The following KCNQ1 variants were observed in gnomAD, a reference collection of about 807,000 sequenced individuals.
KCNQ1 encodes potassium voltage-gated channel subfamily KQT member 1.
In KCNQ1, 49 loss-of-function variants were observed where a neutral mutation model predicts 72.4. That is an observed-to-expected ratio of 0.68 (90% CI 0.54 to 0.86). The LOEUF (loss-of-function observed/expected upper bound fraction) is 0.86. Ranked by LOEUF, KCNQ1 falls within the 40% of genes least tolerant of loss-of-function variation. The probability of loss-of-function intolerance (pLI) is 0.00; values close to 1 mark genes in which losing one functional copy is unlikely to be tolerated. For missense variants in KCNQ1, 790 were observed against 945.1 expected (o/e 0.84, Z 2.15); for synonymous variants, 450 against 412.6 (o/e 1.09, Z -1.10).
At chr11:2,580,457 A>G (rs1848482519) in intron 6 of KCNQ1, among the ~76,000 whole-genome samples, 1 of 152,236 alleles carries the variant, frequency 6.6e-6, no homozygotes, top group African/African-American at 2.4e-5. Flanking sequence ...TCCAAAACAA[A>G]TATTATCGAA....
At position 2,481,887 on chromosome 11, in the gene KCNQ1, A is replaced by AAT. The variant is rs563400536; in HGVS notation, c.386+36405_386+36406dup. On this transcript the variant is annotated intron_variant, in intron 1 of 15. Coordinates refer to ENST00000155840, the MANE Select transcript of KCNQ1 (RefSeq NM_000218.3). This position sits in a 1 kb window ranked among gnomAD's most constrained non-coding sequence, Gnocchi z 4.6. ...ATTTAATTCTATATTACAATGTAAT[A>AAT]ATAGTAGAAATAAAGTGCCCAATGC... Among the ~76,000 whole-genome samples, 401 of 152,370 alleles carry AAT rather than the reference A, an allele frequency of 2.6e-3. 3 individuals are homozygous for AAT. Among genetic ancestry groups the AAT allele is most frequent in the African/African-American group, 9.2e-3 (381 of 41,580 alleles).
chr11:2,609,327 T>A (rs1848936759), intron 10 of KCNQ1: 1 of 398,298 alleles, frequency 2.5e-6, no homozygotes, highest in Non-Finnish European at 4.4e-6. Context: ...ATGTGTATGT[T>A]TCCCTAATTT....
intron 15 of KCNQ1, among the ~76,000 whole-genome samples, chr11:2,831,647 T>G (rs1240735624): frequency 1.2e-5 from 1 of 85,356 alleles, no homozygotes; most frequent in Non-Finnish European, 2.4e-5. Context: ...ACATTGCCCC[T>G]CCTCCCCTTT....
chr11:2,514,215 G>A (rs1017378482), intron 1 of KCNQ1, among the ~76,000 whole-genome samples: 2 of 152,228 alleles, frequency 1.3e-5, no homozygotes, highest in South Asian at 2.1e-4. Flanking sequence ...TGGCCGGGGC[G>A]CATTTCCGTG....
intron 1 of KCNQ1, among the ~76,000 whole-genome samples, chr11:2,480,992 G>A (rs1846641907): frequency 6.6e-6 from 1 of 152,132 alleles, no homozygotes; most frequent in Admixed American, 6.5e-5. Flanking sequence ...AGTTCCTTCT[G>A]CTATTCTTGC....
chr11:2,654,761 G>C lies in KCNQ1; in HGVS notation c.1394-7200G>C. 2.5e-6 allele frequency: 1 copy of C among 398,682 alleles called. No homozygotes were observed. The highest frequency in any genetic ancestry group is 3.6e-5 in the East Asian group (1 of 28,050). The allele number at this position is 398,682 out of a possible 1,614,324, so 24.7% of individuals were successfully genotyped here. On this transcript the variant is annotated intron_variant, in intron 10 of 15. Transcript: ENST00000155840. The surrounding 1 kb of genome is among the most constrained non-coding windows in gnomAD (Gnocchi z 6.4). Reference sequence around the variant, plus strand: ...GGAGGGGTCTGGGGCTCGATGAGAAGGCAGAGGAAGTGAGACCAGAATTTC... The same window carrying C: ...GGAGGGGTCTGGGGCTCGATGAGAACGCAGAGGAAGTGAGACCAGAATTTC...
intron 7 of KCNQ1, among the ~76,000 whole-genome samples, 160 bp downstream of exon 7, chr11:2,583,705 T>G (rs939326393): frequency 1.3e-5 from 2 of 152,192 alleles, no homozygotes; most frequent in African/African-American, 4.8e-5. Flanking sequence ...CTGCCCTCCC[T>G]GGGGCCCTGG....
In KCNQ1 at chr11:2,734,847, TG is replaced by T. The variant is rs1845928272; in HGVS notation, c.1515-33996del. On this transcript the variant is annotated intron_variant, in intron 11 of 15. Transcript: ENST00000155840. The surrounding 1 kb of genome is among the most constrained non-coding windows in gnomAD (Gnocchi z 7.0). ...CCACTGTGAAATAGGGATGACCTCC[TG>T]TGCTGGGGCCTGGCTGTGGCTTCCC... is the stretch of plus-strand genomic sequence containing the variant. Among the ~76,000 whole-genome samples the T allele has an allele frequency of 1.3e-5, 2 of 151,986 alleles. No individual in the cohort carries two copies. Among genetic ancestry groups the T allele is most frequent in the Admixed American group, 1.3e-4 (2 of 15,272 alleles).
rs1233222563 is a variant in KCNQ1 at position 2,783,443 on chromosome 11, G to T, written c.1794+5406G>T. ...CTGACATTGTTGGGTGCAGTGTTAT[G>T]TTCATATCCACTGGAACAAGCTTGT... is the stretch of plus-strand genomic sequence containing the variant. On this transcript the variant is annotated intron_variant, in intron 15 of 15. Transcript: ENST00000155840. The surrounding 1 kb of genome is among the most constrained non-coding windows in gnomAD (Gnocchi z 5.2). 6.6e-6 allele frequency among the ~76,000 whole-genome samples: 1 copy of T among 152,034 alleles called. No homozygotes were observed. The highest frequency in any genetic ancestry group is 2.4e-5 in the African/African-American group (1 of 41,434).
intron 11 of KCNQ1, among the ~76,000 whole-genome samples, chr11:2,718,165 C>T (rs575969027): frequency 4.6e-5 from 7 of 152,200 alleles, no homozygotes; most frequent in African/African-American, 9.7e-5. Flanking sequence ...CTGAGAGCCC[C>T]ACTGCAGCCC....
chr11:2,732,359 C>T (rs1474642429), intron 11 of KCNQ1, among the ~76,000 whole-genome samples: 1 of 152,334 alleles, frequency 6.6e-6, no homozygotes, highest in East Asian at 1.9e-4. Context: ...AGAGCCACTC[C>T]CTCAGGGTGC....
At chr11:2,672,480 C>T (rs996549397) in intron 11 of KCNQ1, 2 of 398,552 alleles carry the variant, frequency 5.0e-6, no homozygotes, top group African/African-American at 4.1e-5. Flanking sequence ...AAGGTCCCCA[C>T]ATTCCATGGC....
intron 1 of KCNQ1, chr11:2,461,317 T>G (rs1190142168): frequency 3.5e-6 from 3 of 851,928 alleles, no homozygotes; most frequent in East Asian, 1.3e-4. Context: ...GCAGCAGATT[T>G]GTAGTCTGGT....
intron 15 of KCNQ1, among the ~76,000 whole-genome samples, chr11:2,804,654 G>A (rs776379593): frequency 1.3e-5 from 2 of 152,238 alleles, no homozygotes; most frequent in Non-Finnish European, 2.9e-5. Flanking sequence ...AAGCTAACGA[G>A]TGGGGTTGCA....
Position 2,599,526 on chromosome 11 carries a change from G to A in KCNQ1, c.1393+10672G>A, listed in dbSNP as rs979086287. On this transcript the variant is annotated intron_variant, in intron 10 of 15. Transcript: ENST00000155840. This position sits in a 1 kb window ranked among gnomAD's most constrained non-coding sequence, Gnocchi z 4.7. ...ATGTACAGAACTTTTATTTCTATGT[G>A]TTAACTTTCCAGGATGTATTAGTTT... Among the ~76,000 whole-genome samples, 9 of 152,086 alleles carry A rather than the reference G, an allele frequency of 5.9e-5. No homozygotes were observed. The highest frequency in any genetic ancestry group is 2.1e-4 in the South Asian group (1 of 4,816).
intron 10 of KCNQ1, among the ~76,000 whole-genome samples, chr11:2,606,759 C>T (rs1379092007): frequency 6.6e-6 from 1 of 152,084 alleles, no homozygotes; most frequent in Non-Finnish European, 1.5e-5. Context: ...GATTCTTTTT[C>T]TTCCCAAATT....
intron 6 of KCNQ1, among the ~76,000 whole-genome samples, chr11:2,578,748 C>T (rs1411380237): frequency 1.3e-5 from 2 of 152,384 alleles, no homozygotes; most frequent in East Asian, 3.9e-4. Context: ...TTAGGTGCCT[C>T]CTCACGGGCA....
chr11:2,778,109 G>T, intron 15 of KCNQ1, 72 bp downstream of exon 15: 2 of 1,444,224 alleles, frequency 1.4e-6, no homozygotes, highest in Non-Finnish European at 9.7e-7. Context: ...CCTGTGGTCT[G>T]CGTGTGAACG....
chr11:2,678,526 T>C lies in KCNQ1; in HGVS notation c.1514+16445T>C. On this transcript the variant is annotated intron_variant, in intron 11 of 15. Coordinates refer to ENST00000155840, the MANE Select transcript of KCNQ1 (RefSeq NM_000218.3). This position sits in a 1 kb window ranked among gnomAD's most constrained non-coding sequence, Gnocchi z 4.9. ...TCTAGACTCTATTCTGGACTGCTGA[T>C]GGGCCTGTTGATAGGCCAGAGCTCA... 1 of 398,646 alleles carries C rather than the reference T, an allele frequency of 2.5e-6. No individual in the cohort carries two copies. Among genetic ancestry groups the C allele is most frequent in the Non-Finnish European group, 4.4e-6 (1 of 226,068 alleles). 24.7% of individuals were successfully genotyped at this position (398,646 alleles called of 1,614,324 possible).
Sources: gnomAD v4.1 joint callset for allele counts (sites outside exome capture counted in the v4.1 genomes callset) on GRCh38, gnomAD v4.1.1 for gene constraint, Gnocchi (gnomAD v3.1) non-coding constraint, MANE v1.5 for transcripts, NCBI Gene and HGNC (gene_info 2026-07-23, HGNC 2026-07-21) for gene names.